The following REDIC1 variants were observed in gnomAD, a reference collection of about 807,000 sequenced individuals.
The protein encoded by REDIC1 is regulator of DNA class I crossover intermediates 1, also known as HEI10 Interacting Protein 1.
chr12:39,689,543 A>G, the REDIC1 span, among the ~76,000 whole-genome samples: 1 of 152,184 alleles, frequency 6.6e-6, no homozygotes, highest in Non-Finnish European at 1.5e-5. Flanking sequence ...AATAGCAGAT[A>G]ATTGACTACA....
chr12:39,683,571 C>T, the REDIC1 span: 11 of 1,099,950 alleles, frequency 1.0e-5, no homozygotes, highest in African/African-American at 6.4e-5. Context: ...GTGAGGTAGG[C>T]GTATTGCCAT....
the REDIC1 span, among the ~76,000 whole-genome samples, chr12:39,762,782 T>C: frequency 6.6e-6 from 1 of 152,104 alleles, no homozygotes; most frequent in South Asian, 2.1e-4. Context: ...ACTATTTTTC[T>C]ACTACTAGAG....
chr12:39,856,471 C>A, the REDIC1 span, among the ~76,000 whole-genome samples: 2 of 152,240 alleles, frequency 1.3e-5, no homozygotes, highest in East Asian at 3.9e-4. Flanking sequence ...CGGGCTCAAG[C>A]GTTTCTCCTG....
chr12:39,872,665 T>C, the REDIC1 span, among the ~76,000 whole-genome samples: 1 of 152,236 alleles, frequency 6.6e-6, no homozygotes, highest in South Asian at 2.1e-4. Flanking sequence ...CAATGGAAGA[T>C]ATGTCTGGCA....
At chr12:39,906,935 A>G in the REDIC1 span, among the ~76,000 whole-genome samples, 4 of 152,134 alleles carry the variant, frequency 2.6e-5, no homozygotes, top group Non-Finnish European at 5.9e-5. Context: ...ATATATTTTT[A>G]TTTGATTCTT....
the REDIC1 span, among the ~76,000 whole-genome samples, chr12:39,679,483 A>T: frequency 6.6e-6 from 1 of 152,246 alleles, no homozygotes; most frequent in Admixed American, 6.5e-5. Context: ...CACTTCTTAA[A>T]GAAATCATAG....
chr12:39,879,422 C>T, the REDIC1 span, among the ~76,000 whole-genome samples: 1 of 152,240 alleles, frequency 6.6e-6, no homozygotes. Context: ...GCCCTGGGGA[C>T]TGAACCCTGC....
chr12:39,763,365 G>C, the REDIC1 span, among the ~76,000 whole-genome samples: 1 of 152,176 alleles, frequency 6.6e-6, no homozygotes, highest in East Asian at 1.9e-4. Context: ...GGTCAGAAGA[G>C]ATGGGGAATA....
At chr12:39,846,513 G>A in the REDIC1 span, among the ~76,000 whole-genome samples, 1 of 152,148 alleles carries the variant, frequency 6.6e-6, no homozygotes, top group Non-Finnish European at 1.5e-5. Flanking sequence ...GTGCAGTGGT[G>A]CAATCTCAGG....
the REDIC1 span, chr12:39,819,751 A>C: frequency 6.6e-6 from 1 of 152,466 alleles, no homozygotes; most frequent in Non-Finnish European, 1.5e-5. Context: ...CTTTCAATTA[A>C]ATGTACTGGC....
At chr12:39,763,609 G>A in the REDIC1 span, among the ~76,000 whole-genome samples, 3 of 152,024 alleles carry the variant, frequency 2.0e-5, no homozygotes, top group African/African-American at 7.2e-5. Flanking sequence ...AGTGGCCAGA[G>A]CACAGAGTAA....
chr12:39,646,887 A>T, the REDIC1 span: 1 of 1,591,814 alleles, frequency 6.3e-7, no homozygotes, highest in Non-Finnish European at 8.6e-7. Flanking sequence ...GGCCCAGTCC[A>T]GGTGAGATTT....
chr12:39,720,857 A>G, the REDIC1 span: 3 of 1,613,062 alleles, frequency 1.9e-6, no homozygotes, highest in Non-Finnish European at 2.5e-6. Context: ...AAAACCAAGG[A>G]AAAAATGAAT....
chr12:39,843,743 C>T, the REDIC1 span, among the ~76,000 whole-genome samples: 6 of 152,034 alleles, frequency 3.9e-5, no homozygotes, highest in Non-Finnish European at 8.8e-5. Flanking sequence ...GGCTCTATTA[C>T]TTTGGATATC....
chr12:39,795,054 T>C, the REDIC1 span, among the ~76,000 whole-genome samples: 22 of 152,298 alleles, frequency 1.4e-4, no homozygotes, highest in African/African-American at 5.3e-4. Flanking sequence ...CTTAAAGCCA[T>C]GGGTTCAAAA....
At chr12:39,639,331 T>C in the REDIC1 span, among the ~76,000 whole-genome samples, 1 of 151,966 alleles carries the variant, frequency 6.6e-6, no homozygotes, top group African/African-American at 2.4e-5. Context: ...AGCTGGACTC[T>C]AGCGAGTCCA....
At chr12:39,826,455 GT>G in the REDIC1 span, among the ~76,000 whole-genome samples, 61 of 137,382 alleles carry the variant, frequency 4.4e-4, 1 homozygote, top group East Asian at 6.3e-4. Flanking sequence ...ATTTTTCTGG[GT>G]TTTTTTTTTT....
the REDIC1 span, among the ~76,000 whole-genome samples, chr12:39,668,896 C>T: frequency 6.6e-6 from 1 of 152,152 alleles, no homozygotes; most frequent in African/African-American, 2.4e-5. Context: ...CCTTTGTTTT[C>T]AGCTCCATCA....
the REDIC1 span, chr12:39,684,358 C>A: frequency 1.4e-6 from 1 of 708,892 alleles, no homozygotes; most frequent in Non-Finnish European, 1.7e-6. Context: ...TTAGCCAAAT[C>A]TTTCTGGTTG....
Sources: allele counts gnomAD v4.1 joint callset (sites outside exome capture counted in the v4.1 genomes callset), GRCh38; gene constraint gnomAD v4.1.1; transcripts MANE v1.5; gene names NCBI Gene and HGNC (gene_info 2026-07-23, HGNC 2026-07-21).